The following MLLT1 variants were observed in gnomAD, a reference collection of about 807,000 sequenced individuals.
MLLT1 encodes protein ENL.
A neutral mutation model predicts 55.1 loss-of-function variants in MLLT1; 11 were observed. The ratio of observed to expected loss-of-function variants is 0.20; its 90% CI spans 0.13 to 0.33. The LOEUF (loss-of-function observed/expected upper bound fraction) is 0.33. Ranked by LOEUF, MLLT1 falls within the 10% of genes least tolerant of loss-of-function variation. The pLI, the probability that MLLT1 is intolerant of heterozygous loss-of-function variation, is 1.00. For synonymous variants in MLLT1, 323 were observed against 320.1 expected, an observed-to-expected ratio of 1.01 and a Z score of -0.10; for missense variants, 536 against 760.6, an observed-to-expected ratio of 0.70 and a Z score of 3.47.
At chr19:6,218,837 A>G (rs535744164) in intron 6 of MLLT1, among the ~76,000 whole-genome samples, 1 of 152,310 alleles carries the variant, frequency 6.6e-6, no homozygotes, top group African/African-American at 2.4e-5. Context: ...ATTTCTGCCA[A>G]TGAGCTCATC....
Position 6,212,953 on chromosome 19 carries a change from G to A in MLLT1, c.*89C>T, listed in dbSNP as rs1352692000. 30 of 1,512,986 alleles carry A rather than the reference G, an allele frequency of 2.0e-5. No individual in the cohort carries two copies. The highest frequency in any genetic ancestry group is 2.4e-5 in the Non-Finnish European group (27 of 1,111,776). 93.7% of individuals were successfully genotyped at this position (1,512,986 alleles called of 1,614,324 possible). A position where few individuals can be genotyped will look rare whatever the true frequency, so the allele number is the denominator to read the frequency against. On this transcript the variant is annotated 3_prime_UTR_variant, in exon 12 of 12. Coordinates refer to ENST00000252674, the MANE Select transcript of MLLT1 (RefSeq NM_005934.4). ...AGGGCTGTCGCTAAGGCAGTGCTGC[G>A]GGCAGGCGAGACGGGAGAGGAGGGC...
In MLLT1 at chr19:6,261,034, C is replaced by T. The variant is rs146970268; in HGVS notation, c.276+1194G>A. ...GATGGGCTCGAGCAATCCCCTCAAC[C>T]GCCCCAAGAGGGGGCTGCTGTTCTC... On this transcript the variant is annotated intron_variant, in intron 3 of 11. Coordinates refer to ENST00000252674, the MANE Select transcript of MLLT1 (RefSeq NM_005934.4). Among the ~76,000 whole-genome samples, 207 of 152,314 alleles carry T rather than the reference C, an allele frequency of 1.4e-3. 3 individuals are homozygous for T. In the East Asian group the frequency reaches 0.035, roughly 26 times the overall value.
Position 6,213,324 on chromosome 19 carries a change from AG to A in MLLT1, c.1551+12del, listed in dbSNP as rs779338878. On this transcript the variant is annotated intron_variant, in intron 11 of 11. Coordinates refer to ENST00000252674, the MANE Select transcript of MLLT1 (RefSeq NM_005934.4). ...CCGACCTCTGCCGGGCAGGACCCTC[AG>A]GGGGGCGATACCTGCTGCAGCACGT... is the stretch of plus-strand genomic sequence containing the variant. 1.2e-6 allele frequency: 2 copies of A among 1,611,874 alleles called. No homozygotes were observed. The highest frequency in any genetic ancestry group is 2.7e-5 in the African/African-American group (2 of 74,998).
chr19:6,214,857 T>C (rs1451404440), intron 8 of MLLT1, among the ~76,000 whole-genome samples: 1 of 152,160 alleles, frequency 6.6e-6, no homozygotes, highest in Non-Finnish European at 1.5e-5. Context: ...GACTTCCCGG[T>C]GGGCAGCACA....
chr19:6,211,830 G>GA lies in MLLT1; in HGVS notation c.*1211dup. The stretch of plus-strand genomic sequence containing the variant: ...GGAAGGAGGACCGGCTTGGCCCCTG[G>GA]AGAATCTCAGGCATACCAGGAGTGG... On this transcript the variant is annotated 3_prime_UTR_variant, in exon 12 of 12. Coordinates refer to ENST00000252674, the MANE Select transcript of MLLT1 (RefSeq NM_005934.4). This position sits in a 1 kb window ranked among gnomAD's most constrained non-coding sequence, Gnocchi z 4.6. 1 of 1,064,200 alleles carries GA rather than the reference G, an allele frequency of 9.4e-7. No homozygotes were observed. The highest frequency in any genetic ancestry group is 1.1e-6 in the Non-Finnish European group (1 of 878,540). 65.9% of individuals were successfully genotyped at this position (1,064,200 alleles called of 1,614,324 possible). A position where few individuals can be genotyped will look rare whatever the true frequency, so the allele number is the denominator to read the frequency against.
Position 6,212,201 on chromosome 19 carries a change from TG to T in MLLT1, c.*840del, listed in dbSNP as rs1372015534. The stretch of plus-strand genomic sequence containing the variant: ...GTCTGAGTAGAGCCCGAGAGCAGAC[TG>T]GTGGCTCCCGGGCGCCCTGAGGACT... On this transcript the variant is annotated 3_prime_UTR_variant, in exon 12 of 12. Coordinates refer to ENST00000252674, the MANE Select transcript of MLLT1 (RefSeq NM_005934.4). 1 of 1,066,020 alleles carries T rather than the reference TG, an allele frequency of 9.4e-7. No individual in the cohort carries two copies. The highest frequency in any genetic ancestry group is 1.6e-5 in the African/African-American group (1 of 61,026). The allele number at this position is 1,066,020 out of a possible 1,614,324, so 66.0% of individuals were successfully genotyped here. A position where few individuals can be genotyped will look rare whatever the true frequency, so the allele number is the denominator to read the frequency against.
At chr19:6,251,076 C>A (rs1390570984) in intron 3 of MLLT1, among the ~76,000 whole-genome samples, 1 of 152,064 alleles carries the variant, frequency 6.6e-6, no homozygotes, top group Non-Finnish European at 1.5e-5. Context: ...TGAGTAGCTG[C>A]CAGGAACAGT....
Position 6,262,454 on chromosome 19 carries a change from AG to A in MLLT1, c.194-145del. 1.6e-6 allele frequency: 1 copy of A among 617,864 alleles called. No individual in the cohort carries two copies. 38.3% of individuals were successfully genotyped at this position (617,864 alleles called of 1,614,324 possible). On this transcript the variant is annotated intron_variant, in intron 2 of 11. Coordinates refer to ENST00000252674, the MANE Select transcript of MLLT1 (RefSeq NM_005934.4). This position sits in a 1 kb window ranked among gnomAD's most constrained non-coding sequence, Gnocchi z 4.4. The stretch of plus-strand genomic sequence containing the variant: ...TCGGGGGTGGCTTTTCAGGAGGTTA[AG>A]CCCCCGACAGGATTGACTTCCACGG...
rs1305223158 is a variant in MLLT1 at position 6,227,654 on chromosome 19, C to T, written c.421-552G>A. ...AGGCTGAGGCCGAGACCAAGGCAGA[C>T]GACCTGTGCCTACTGGGGGGGTCTC... On this transcript the variant is annotated intron_variant, in intron 4 of 11. Transcript: ENST00000252674. The surrounding 1 kb of genome is among the most constrained non-coding windows in gnomAD (Gnocchi z 5.1). 1.3e-4 allele frequency among the ~76,000 whole-genome samples: 20 copies of T among 152,204 alleles called. No homozygotes were observed. The highest frequency in any genetic ancestry group is 1.2e-3 in the Admixed American group (18 of 15,286).
intron 6 of MLLT1, 141 bp downstream of exon 6, chr19:6,221,980 G>C: frequency 1.7e-6 from 1 of 604,576 alleles, no homozygotes; most frequent in Non-Finnish European, 2.5e-6. Context: ...GAGGCCCCAG[G>C]TTACAAGAAG....
chr19:6,228,879 C>T (rs527456260), intron 4 of MLLT1, among the ~76,000 whole-genome samples: 1 of 152,284 alleles, frequency 6.6e-6, no homozygotes, highest in Non-Finnish European at 1.5e-5. Context: ...GGCAGAGACC[C>T]CCCACGGCGC....
Position 6,270,118 on chromosome 19 carries a change from G to A in MLLT1, c.193+461C>T, listed in dbSNP as rs912216438. ...GACAGAATACACGACTGAGGCACTC[G>A]TGCTGAATCAATGACGGCCTGAGGC... is the stretch of plus-strand genomic sequence containing the variant. On this transcript the variant is annotated intron_variant, in intron 2 of 11. Coordinates refer to ENST00000252674, the MANE Select transcript of MLLT1 (RefSeq NM_005934.4). This position sits in a 1 kb window ranked among gnomAD's most constrained non-coding sequence, Gnocchi z 7.1. Among the ~76,000 whole-genome samples the A allele has an allele frequency of 2.0e-5, 3 of 151,976 alleles. No individual in the cohort carries two copies. The highest frequency in any genetic ancestry group is 2.9e-5 in the Non-Finnish European group (2 of 67,986).
rs549786218 is a variant in MLLT1 at position 6,226,255 on chromosome 19, C to T, written c.546+722G>A. Among the ~76,000 whole-genome samples, 1 of 152,298 alleles carries T rather than the reference C, an allele frequency of 6.6e-6. No individual in the cohort carries two copies. The highest frequency in any genetic ancestry group is 2.1e-4 in the South Asian group (1 of 4,824). On this transcript the variant is annotated intron_variant, in intron 5 of 11. Coordinates refer to ENST00000252674, the MANE Select transcript of MLLT1 (RefSeq NM_005934.4). This position sits in a 1 kb window ranked among gnomAD's most constrained non-coding sequence, Gnocchi z 6.3. ...AGCTGCCCCGAGGGCCCGTGCCGCTCAGCCTCCAGGAACGGCTGTGCTGAG... is the reference window on the plus strand; with the variant it reads ...AGCTGCCCCGAGGGCCCGTGCCGCTTAGCCTCCAGGAACGGCTGTGCTGAG...
At chr19:6,272,076 C>T (rs2091400020) in intron 1 of MLLT1, among the ~76,000 whole-genome samples, 1 of 152,028 alleles carries the variant, frequency 6.6e-6, no homozygotes, top group African/African-American at 2.4e-5. Flanking sequence ...CAGATCCTAT[C>T]GCCCCCACCC....
chr19:6,242,296 G>A (rs2144901207), intron 3 of MLLT1, among the ~76,000 whole-genome samples: 1 of 152,298 alleles, frequency 6.6e-6, no homozygotes, highest in African/African-American at 2.4e-5. Flanking sequence ...ATGTGCGACT[G>A]CCTAGGGCCC....
chr19:6,216,093 G>A (rs1374101214), intron 8 of MLLT1, among the ~76,000 whole-genome samples: 5 of 152,098 alleles, frequency 3.3e-5, no homozygotes. Flanking sequence ...CTCCAGCCTG[G>A]GCTCCCTCCT....
In MLLT1 at chr19:6,231,795, C is replaced by T. The variant is rs1258605124; in HGVS notation, c.277-1082G>A. On this transcript the variant is annotated intron_variant, in intron 3 of 11. Coordinates refer to ENST00000252674, the MANE Select transcript of MLLT1 (RefSeq NM_005934.4). The surrounding 1 kb of genome is among the most constrained non-coding windows in gnomAD (Gnocchi z 5.1). ...GGATTACAGGTGTGAGCCACCGCGC[C>T]CAGCTGAAGCAAGACAATTTCATCT... Among the ~76,000 whole-genome samples, 1 of 152,060 alleles carries T rather than the reference C, an allele frequency of 6.6e-6. No individual in the cohort carries two copies. Among genetic ancestry groups the T allele is most frequent in the Non-Finnish European group, 1.5e-5 (1 of 68,032 alleles).
At chr19:6,276,955 GA>G (rs111592372) in intron 1 of MLLT1, among the ~76,000 whole-genome samples, 399 of 152,286 alleles carry the variant, frequency 2.6e-3, no homozygotes, top group African/African-American at 9.1e-3. Context: ...GAGAGTAAAA[GA>G]GGAAGGCAAA....
intron 1 of MLLT1, among the ~76,000 whole-genome samples, chr19:6,275,958 A>G (rs1349068485): frequency 3.3e-5 from 5 of 152,082 alleles, no homozygotes; most frequent in Non-Finnish European, 5.9e-5. Context: ...GGGGAGGGGG[A>G]GGAGCCTTGG....
Sources: allele counts gnomAD v4.1 joint callset (sites outside exome capture counted in the v4.1 genomes callset), GRCh38; gene constraint gnomAD v4.1.1; non-coding constraint Gnocchi (gnomAD v3.1); transcripts MANE v1.5; gene names NCBI Gene and HGNC (gene_info 2026-07-23, HGNC 2026-07-21).